Variants in TTC8 observed in about 807,000 individuals in gnomAD.
The protein encoded by TTC8 is tetratricopeptide repeat domain 8, also known as tetratricopeptide repeat protein 8.
In TTC8, 47 loss-of-function variants were observed where a neutral mutation model predicts 72.5. The observed-to-expected ratio is 0.65, with a 90% CI of 0.51 to 0.83. The LOEUF is 0.83. Ranked by LOEUF, TTC8 falls within the 40% of genes least tolerant of loss-of-function variation. The pLI is 0.00. For synonymous variants in TTC8, 199 were observed against 221.4 expected (o/e 0.90, Z 0.90); for missense variants, 611 against 623.2 (o/e 0.98, Z 0.21).
chr14:88,861,478 T>G (rs1349755102), intron 10 of TTC8, 146 bp downstream of exon 10: 1 of 610,988 alleles, frequency 1.6e-6, no homozygotes, highest in East Asian at 2.9e-5. Context: ...AACATTTATC[T>G]TTTCTTTGTT....
chr14:88,839,118 T>A (rs1228734788), intron 2 of TTC8, among the ~76,000 whole-genome samples: 1 of 152,220 alleles, frequency 6.6e-6, no homozygotes, highest in Non-Finnish European at 1.5e-5. Flanking sequence ...ACAATGTGGT[T>A]GTAGCTTTAT....
intron 14 of TTC8, among the ~76,000 whole-genome samples, chr14:88,876,952 G>A (rs190976861): frequency 5.3e-5 from 8 of 152,056 alleles, no homozygotes; most frequent in East Asian, 1.9e-4. Context: ...ATCACTTTAC[G>A]TTTATAATAC....
chr14:88,864,646 A>T (rs2094902210), intron 10 of TTC8, among the ~76,000 whole-genome samples: 1 of 152,202 alleles, frequency 6.6e-6, no homozygotes, highest in Non-Finnish European at 1.5e-5. Context: ...AAAGAAGTGG[A>T]GAGGAAAGCA....
In TTC8 at chr14:88,831,019, G is replaced by T. The variant is rs1435633182; in HGVS notation, c.115-2674G>T. Reference sequence around the variant, plus strand: ...CCCAGAGTGTCTAGGTTCAAATACTGCCTCTATACCTTTGAGGTAAGAGAC... The same window carrying T: ...CCCAGAGTGTCTAGGTTCAAATACTTCCTCTATACCTTTGAGGTAAGAGAC... On this transcript the variant is annotated intron_variant, in intron 1 of 14. Transcript: ENST00000380656. 7.1e-6 allele frequency: 3 copies of T among 419,742 alleles called. No individual in the cohort carries two copies. In the Admixed American group the frequency reaches 8.4e-5, roughly 12 times the overall value. 26.0% of individuals were successfully genotyped at this position (419,742 alleles called of 1,614,324 possible). A position where few individuals can be genotyped will look rare whatever the true frequency, so the allele number is the denominator to read the frequency against.
intron 7 of TTC8, among the ~76,000 whole-genome samples, chr14:88,849,378 A>T (rs556687970): frequency 6.6e-6 from 1 of 152,276 alleles, no homozygotes; most frequent in African/African-American, 2.4e-5. Context: ...TATCTTACAT[A>T]TATTTTGTAA....
chr14:88,873,091 T>C (rs2094942209), intron 13 of TTC8, among the ~76,000 whole-genome samples: 1 of 152,194 alleles, frequency 6.6e-6, no homozygotes, highest in Non-Finnish European at 1.5e-5. Flanking sequence ...TAGTGCCTTC[T>C]CCTTCAACTT....
At chr14:88,850,760 C>G (rs1158439401) in intron 7 of TTC8, among the ~76,000 whole-genome samples, 1 of 152,174 alleles carries the variant, frequency 6.6e-6, no homozygotes, top group African/African-American at 2.4e-5. Flanking sequence ...CAAATTCTGT[C>G]AAAATATTTA....
rs1448550793 is a variant in TTC8, at chr14:88,857,292, A to C, written c.798+15A>C. 2.5e-6 allele frequency: 4 copies of C among 1,603,186 alleles called. No individual in the cohort carries two copies. The highest frequency in any genetic ancestry group is 2.6e-6 in the Non-Finnish European group (3 of 1,170,356). Reference sequence around the variant, plus strand: ...ACTTGGCAAAAGTAAGTAAATCTTAATTTGAGTGAAATCTGCCTTCTCAGA... The same window carrying C: ...ACTTGGCAAAAGTAAGTAAATCTTACTTTGAGTGAAATCTGCCTTCTCAGA... On this transcript the variant is annotated intron_variant, in intron 9 of 14. Transcript: ENST00000380656.
intron 14 of TTC8, 118 bp from the exon 15 acceptor site, chr14:88,877,176 A>T: frequency 1.3e-6 from 1 of 774,316 alleles, no homozygotes; most frequent in Non-Finnish European, 2.1e-6. Flanking sequence ...TAAAAAAAAA[A>T]GAAAAGAACC....
At chr14:88,841,601 A>G (rs2094781989) in intron 6 of TTC8, 87 bp downstream of exon 6, 1 of 1,119,860 alleles carries the variant, frequency 8.9e-7, no homozygotes, top group East Asian at 2.4e-5. Context: ...AAAACTTGTG[A>G]AGGAAAGGCC....
chr14:88,872,173 T>G (rs2094937052), intron 12 of TTC8, among the ~76,000 whole-genome samples, 157 bp from the exon 13 acceptor site: 1 of 152,212 alleles, frequency 6.6e-6, no homozygotes, highest in African/African-American at 2.4e-5. Context: ...CATTTTATAT[T>G]CTTAGGTTAA....
intron 10 of TTC8, among the ~76,000 whole-genome samples, chr14:88,863,171 G>T (rs1328779036): frequency 6.6e-6 from 1 of 151,924 alleles, no homozygotes; most frequent in Non-Finnish European, 1.5e-5. Flanking sequence ...CAAATATTTT[G>T]TAATTATCTC....
intron 1 of TTC8, among the ~76,000 whole-genome samples, chr14:88,828,325 T>C (rs1156718167): frequency 6.6e-6 from 1 of 152,240 alleles, no homozygotes; most frequent in East Asian, 1.9e-4. Flanking sequence ...ATTCACAATC[T>C]ATGAAAAGCT....
At chr14:88,866,580 C>A (rs964711900) in intron 10 of TTC8, among the ~76,000 whole-genome samples, 2 of 152,146 alleles carry the variant, frequency 1.3e-5, no homozygotes, top group African/African-American at 4.8e-5. Context: ...AGACAACAAC[C>A]AAGTTCCAGC....
intron 7 of TTC8, among the ~76,000 whole-genome samples, chr14:88,848,230 T>C (rs2094817560): frequency 6.6e-6 from 1 of 150,978 alleles, no homozygotes; most frequent in Non-Finnish European, 1.5e-5. Flanking sequence ...AAAATGCTGG[T>C]AAATAAGCAC....
chr14:88,837,638 A>G (rs949433608), intron 2 of TTC8, among the ~76,000 whole-genome samples: 4 of 152,202 alleles, frequency 2.6e-5, no homozygotes, highest in African/African-American at 9.7e-5. Flanking sequence ...TTGAAAAATC[A>G]AAGCTGTCAG....
At chr14:88,840,508 G>A (rs2094775061) in intron 3 of TTC8, among the ~76,000 whole-genome samples, 2 of 152,160 alleles carry the variant, frequency 1.3e-5, no homozygotes, top group Non-Finnish European at 2.9e-5. Flanking sequence ...AAGTTTGTAT[G>A]AGAAATAATT....
intron 8 of TTC8, among the ~76,000 whole-genome samples, chr14:88,853,961 T>C (rs2094845121): frequency 6.6e-6 from 1 of 152,150 alleles, no homozygotes; most frequent in Non-Finnish European, 1.5e-5. Context: ...TAAGCTTCAG[T>C]TGTCATTCAA....
chr14:88,855,596 T>A (rs1187654735), intron 8 of TTC8, among the ~76,000 whole-genome samples: 2 of 152,240 alleles, frequency 1.3e-5, no homozygotes, highest in Non-Finnish European at 2.9e-5. Flanking sequence ...ATTTTTATTT[T>A]TAAAATTTAT....
Sources: allele counts gnomAD v4.1 joint callset (sites outside exome capture counted in the v4.1 genomes callset), GRCh38; gene constraint gnomAD v4.1.1; transcripts MANE v1.5; gene names NCBI Gene and HGNC (gene_info 2026-07-23, HGNC 2026-07-21).